Variants in MCTP2 observed in about 807,000 individuals in gnomAD.
The protein encoded by MCTP2 is multiple C2 and transmembrane domain-containing protein 2.
Under a neutral mutation model 111.6 loss-of-function variants are expected in MCTP2, and 132 were observed. The observed-to-expected ratio is 1.18, with a 90% CI of 1.03 to 1.37. MCTP2 has a LOEUF of 1.37. MCTP2 is among the 40% of genes most tolerant of loss of function. The probability of loss-of-function intolerance (pLI) is 0.00; values close to 1 mark genes in which losing one functional copy is unlikely to be tolerated. For synonymous variants in MCTP2, 395 were observed against 387.7 expected (o/e 1.02, Z -0.22); for missense variants, 1,183 against 1,067.9 (o/e 1.11, Z -1.50).
intron 2 of MCTP2, among the ~76,000 whole-genome samples, chr15:94,303,614 C>A (rs1022966137): frequency 1.3e-5 from 2 of 152,156 alleles, no homozygotes; most frequent in African/African-American, 4.8e-5. Context: ...TTCACTGTCA[C>A]GAGAACAGCA....
chr15:94,321,582 C>G (rs2076632010), intron 4 of MCTP2, among the ~76,000 whole-genome samples: 2 of 152,188 alleles, frequency 1.3e-5, no homozygotes, highest in South Asian at 4.1e-4. Flanking sequence ...TGTCAGCTCC[C>G]CCGTCATTGA....
intron 14 of MCTP2, among the ~76,000 whole-genome samples, chr15:94,387,987 A>G (rs918888479): frequency 6.6e-6 from 1 of 152,192 alleles, no homozygotes; most frequent in African/African-American, 2.4e-5. Context: ...GGCAGCCAGT[A>G]TAGATTGATC....
intron 14 of MCTP2, among the ~76,000 whole-genome samples, chr15:94,392,231 G>T (rs2081023876): frequency 6.6e-6 from 1 of 152,044 alleles, no homozygotes; most frequent in African/African-American, 2.4e-5. Context: ...AATTAGCCGG[G>T]TGTGGAGGCA....
At chr15:94,293,347 C>A (rs758527255) in intron 1 of MCTP2, among the ~76,000 whole-genome samples, 2 of 152,160 alleles carry the variant, frequency 1.3e-5, no homozygotes, top group African/African-American at 4.8e-5. Flanking sequence ...AAAGAACTCT[C>A]ATAACTCAAC....
intron 19 of MCTP2, among the ~76,000 whole-genome samples, chr15:94,448,833 CTGAT>C (rs1194325577): frequency 3.3e-5 from 5 of 152,050 alleles, no homozygotes; most frequent in Non-Finnish European, 5.9e-5. Context: ...AAAAATAAAT[CTGAT>C]TGAGACCATC....
At chr15:94,324,091 T>C (rs570975859) in intron 4 of MCTP2, among the ~76,000 whole-genome samples, 82 of 152,304 alleles carry the variant, frequency 5.4e-4, no homozygotes, top group Non-Finnish European at 1.1e-3. Context: ...TTCCAACTGC[T>C]TCATGATTTG....
At chr15:94,260,991 C>A (rs2084802393) in intron 1 of MCTP2, among the ~76,000 whole-genome samples, 1 of 152,164 alleles carries the variant, frequency 6.6e-6, no homozygotes, top group Non-Finnish European at 1.5e-5. Context: ...CACGATGAAA[C>A]CTTGGTGTCC....
intron 22 of MCTP2, 40 bp from the exon 23 acceptor site, chr15:94,478,926 G>T (rs773874965): frequency 6.2e-7 from 1 of 1,603,420 alleles, no homozygotes; most frequent in Non-Finnish European, 8.5e-7. Flanking sequence ...GCGAGCTAGG[G>T]TTACCTAACC....
At chr15:94,385,719 C>T (rs2080425987) in intron 14 of MCTP2, among the ~76,000 whole-genome samples, 194 bp downstream of exon 14, 1 of 152,036 alleles carries the variant, frequency 6.6e-6, no homozygotes, top group Non-Finnish European at 1.5e-5. Flanking sequence ...TAATTTTTTT[C>T]TGTTTCAGTC....
chr15:94,466,950 T>C (rs1239688348), intron 20 of MCTP2, among the ~76,000 whole-genome samples: 1 of 152,206 alleles, frequency 6.6e-6, no homozygotes, highest in Non-Finnish European at 1.5e-5. Context: ...TTTTCAAAAC[T>C]CTACCAGATA....
intron 21 of MCTP2, among the ~76,000 whole-genome samples, chr15:94,476,207 T>C (rs1424891071): frequency 6.6e-6 from 1 of 152,186 alleles, no homozygotes. Flanking sequence ...TACCTCCCAC[T>C]GCTACGTTTG....
At position 94,384,075 on chromosome 15, in the gene MCTP2, C is replaced by T. The variant is rs1378219246; in HGVS notation, c.1636C>T (p.His546Tyr). The change falls in exon 13 of 23, where the codon CAT (histidine) becomes TAT (tyrosine). Residue 546 changes from histidine (H) to tyrosine (Y), a missense_variant. Physicochemically the swap from His to Tyr is moderately conservative, Grantham distance 83 (BLOSUM62 2). Transcript: ENST00000357742. ...GTTAGGCAATGACCGACTTCAGACG[C>T]ATACCGTCTACAAAAACCTCAACCC... ...LELGNDRLQT[H>Y]TVYKNLNPEW... The T allele has an allele frequency of 4.3e-6, 7 of 1,613,828 alleles. No homozygotes were observed. The highest frequency in any genetic ancestry group is 2.7e-5 in the African/African-American group (2 of 74,910).
intron 20 of MCTP2, among the ~76,000 whole-genome samples, chr15:94,465,194 A>G (rs1206494151): frequency 1.3e-5 from 2 of 152,052 alleles, no homozygotes; most frequent in Non-Finnish European, 2.9e-5. Flanking sequence ...GAAGCAACCT[A>G]TTTCTTGCTA....
intron 1 of MCTP2, among the ~76,000 whole-genome samples, chr15:94,290,656 G>T (rs1050212479): frequency 6.6e-6 from 1 of 152,178 alleles, no homozygotes; most frequent in Non-Finnish European, 1.5e-5. Context: ...CTTTCCATAA[G>T]AAACTCACTT....
intron 1 of MCTP2, among the ~76,000 whole-genome samples, chr15:94,249,480 C>A (rs890295669): frequency 6.6e-6 from 1 of 151,662 alleles, no homozygotes; most frequent in Non-Finnish European, 1.5e-5. Context: ...CCCACTGAGT[C>A]TCAGAATCTT....
At chr15:94,358,685 C>G in intron 10 of MCTP2, 73 bp downstream of exon 10, 2 of 1,552,858 alleles carry the variant, frequency 1.3e-6, no homozygotes, top group Non-Finnish European at 1.7e-6. Flanking sequence ...TGATCTTTAT[C>G]TGTTAGGGCT....
rs765084620 is a variant in MCTP2, at chr15:94,243,008, T to TAC, written c.-66+11347_-66+11348dup. On this transcript the variant is annotated intron_variant, in intron 1 of 22. Transcript: ENST00000357742. ...ACACGTGTATATGTGTATCTACACA[T>TAC]ACACGTGTATATGTGTATCTACACA... 8.5e-4 allele frequency among the ~76,000 whole-genome samples: 84 copies of TAC among 98,594 alleles called. 15 individuals are homozygous for TAC. Among genetic ancestry groups the TAC allele is most frequent in the Non-Finnish European group, 1.5e-3 (68 of 45,042 alleles). 64.7% of individuals were successfully genotyped at this position (98,594 alleles called of 152,430 possible).
rs1432588782 is a variant in MCTP2 at position 94,336,393 on chromosome 15, A to G, written c.638-2897A>G. Among the ~76,000 whole-genome samples the G allele has an allele frequency of 3.9e-5, 6 of 151,956 alleles. No homozygotes were observed. In the East Asian group the frequency reaches 1.2e-3, roughly 29 times the overall value. ...ACACTTCCTTCTTGGACTTTGTGTT[A>G]TATTTCTGGGTTGCCTGCTGCCCCT... On this transcript the variant is annotated intron_variant, in intron 4 of 22. Coordinates refer to ENST00000357742, the MANE Select transcript of MCTP2 (RefSeq NM_001385001.1).
chr15:94,367,443 G>A (rs72647773), intron 10 of MCTP2, among the ~76,000 whole-genome samples, 162 bp from the exon 11 acceptor site: 20,785 of 152,096 alleles, frequency 0.14, 1,607 homozygotes, highest in Middle Eastern at 0.2. Context: ...TTAGGCTGGG[G>A]GTGAGCATTA....
Sources: gnomAD v4.1 joint callset for allele counts (sites outside exome capture counted in the v4.1 genomes callset) on GRCh38, gnomAD v4.1.1 for gene constraint, MANE v1.5 for transcripts, NCBI Gene and HGNC (gene_info 2026-07-23, HGNC 2026-07-21) for gene names.